PKD2L1: variants seen among roughly 807,000 people sequenced by gnomAD.
PKD2L1 encodes the protein polycystin 2 like 1, transient receptor potential cation channel.
A neutral mutation model predicts 93.0 loss-of-function variants in PKD2L1; 77 were observed. The observed-to-expected ratio is 0.83, with a 90% CI of 0.69 to 1.00. PKD2L1 has a LOEUF of 1.00. Ranked by LOEUF, PKD2L1 falls within the 50% of genes least tolerant of loss-of-function variation. The pLI is 0.00. For missense variants in PKD2L1, 977 were observed against 990.9 expected (o/e 0.99, Z 0.19); for synonymous variants, 390 against 388.0 (o/e 1.01, Z -0.06).
At chr10:100,325,015 G>A (rs569810047) in intron 2 of PKD2L1, among the ~76,000 whole-genome samples, 26 of 152,316 alleles carry the variant, frequency 1.7e-4, no homozygotes, top group African/African-American at 6.0e-4. Context: ...TTAGGCAGGA[G>A]AGCTCAGTCA....
At chr10:100,298,291 C>A (rs531075871) in intron 4 of PKD2L1, among the ~76,000 whole-genome samples, 1 of 152,180 alleles carries the variant, frequency 6.6e-6, no homozygotes, top group Admixed American at 6.5e-5. Context: ...GGAAGGACTA[C>A]GTGCAAGGTA....
rs370499234 is a variant in PKD2L1, at chr10:100,330,051, C to T, written c.53G>A (p.Gly18Glu). The T allele has an allele frequency of 5.5e-5, 89 of 1,609,244 alleles. No homozygotes were observed. The highest frequency in any genetic ancestry group is 7.3e-5 in the Non-Finnish European group (86 of 1,176,906). ...EGQELQKLGSGAWDNPAYSGP... is the reference protein window; with the variant it reads ...EGQELQKLGSEAWDNPAYSGP... The stretch of plus-strand genomic sequence containing the variant: ...ACTGTAGGCGGGGTTGTCCCAGGCT[C>T]CACTCCCCAGCTTTTGCAGCTCCTG... Residue 18 changes from glycine (G) to glutamate (E), a missense_variant, in exon 1 of 16, where the codon GGA (glycine) becomes GAA (glutamate). By Grantham distance (98) the Gly-to-Glu change is moderately conservative (BLOSUM62 -2). Coordinates refer to ENST00000318222, the MANE Select transcript of PKD2L1 (RefSeq NM_016112.3).
Position 100,297,528 on chromosome 10 carries a change from G to T in PKD2L1, c.810C>A (p.Tyr270Ter), listed in dbSNP as rs1309547770. 6.2e-7 allele frequency: 1 copy of T among 1,614,160 alleles called. No homozygotes were observed. ...GRLTSYSGGG[Y>*]YLDLPGSRQG... ...GTCGGGATCCTGGAAGGTCCAGGTA[G>T]TAGCCACCTCCGCTGTAGCTTGTGA... Residue 270 changes from tyrosine (Y) to a stop codon, truncating the protein, a stop_gained, in exon 5 of 16, where the codon TAC becomes TAA. Coordinates refer to ENST00000318222, the MANE Select transcript of PKD2L1 (RefSeq NM_016112.3). LOFTEE classifies it high-confidence loss of function.
chr10:100,330,128 T>G lies in PKD2L1; in HGVS notation c.-25A>C, dbSNP rs543841549. ...TGGGGAATGAGGTGGGGGGGCCCGG[T>G]ACCCCAGGTGCCCACTCTCAGCTAG... On this transcript the variant is annotated 5_prime_UTR_variant, in exon 1 of 16. Transcript: ENST00000318222. 6 of 1,424,712 alleles carry G rather than the reference T, an allele frequency of 4.2e-6. No homozygotes were observed. The African/African-American group carries it at 8.5e-5, about 20-fold the overall frequency. 88.3% of individuals were successfully genotyped at this position (1,424,712 alleles called of 1,614,324 possible).
rs191331074 is a variant in PKD2L1 at position 100,296,301 on chromosome 10, C to T, written c.1186-9G>A. 15 of 1,581,910 alleles carry T rather than the reference C, an allele frequency of 9.5e-6. No individual in the cohort carries two copies. The highest frequency in any genetic ancestry group is 1.3e-5 in the Non-Finnish European group (15 of 1,167,952). On this transcript the variant is annotated splice_polypyrimidine_tract_variant and intron_variant, in intron 6 of 15. Transcript: ENST00000318222. Reference sequence around the variant, plus strand: ...ACAGCCACAATGGAGAGCTGTCACACAGGGGTCATGGGGGTGTCAGAGAAG... The same window carrying T: ...ACAGCCACAATGGAGAGCTGTCACATAGGGGTCATGGGGGTGTCAGAGAAG...
intron 9 of PKD2L1, 120 bp downstream of exon 9, chr10:100,294,415 C>G (rs1047270794): frequency 9.5e-7 from 1 of 1,051,238 alleles, no homozygotes; most frequent in South Asian, 1.4e-5. Context: ...GACATCGGCC[C>G]CCCCACTCAC....
intron 2 of PKD2L1, among the ~76,000 whole-genome samples, chr10:100,301,089 C>T (rs1344181922): frequency 6.6e-6 from 1 of 152,080 alleles, no homozygotes; most frequent in Non-Finnish European, 1.5e-5. Flanking sequence ...GCCCCCTGAG[C>T]CGTAAAACCA....
chr10:100,294,519 TCAGAGAGACCCTCAC>T lies in PKD2L1; in HGVS notation c.1659+1_1659+15del. The T allele has an allele frequency of 6.2e-7, 1 of 1,613,626 alleles. No individual in the cohort carries two copies. The highest frequency in any genetic ancestry group is 8.5e-7 in the Non-Finnish European group (1 of 1,179,802). The stretch of plus-strand genomic sequence containing the variant: ...TGCAGGCTCTCTATGTCCCCACCCC[TCAGAGAGACCCTCAC>T]CAGGAGCACGAAGAAGACGAAGAAG... On this transcript the variant is annotated splice_donor_variant and splice_donor_5th_base_variant and intron_variant, in intron 9 of 15. Coordinates refer to ENST00000318222, the MANE Select transcript of PKD2L1 (RefSeq NM_016112.3). LOFTEE classifies it high-confidence loss of function.
chr10:100,293,741 T>C (rs1009979060), intron 9 of PKD2L1, among the ~76,000 whole-genome samples: 3 of 152,126 alleles, frequency 2.0e-5, no homozygotes, highest in African/African-American at 7.2e-5. Context: ...CTCTTTTTCA[T>C]CTACCCCCCA....
intron 5 of PKD2L1, 65 bp from the exon 6 acceptor site, chr10:100,297,273 C>G (rs955204115): frequency 5.2e-6 from 8 of 1,549,912 alleles, no homozygotes; most frequent in African/African-American, 4.1e-5. Flanking sequence ...CCCACTTCCT[C>G]TCCTCTCCAC....
chr10:100,300,816 A>AT (rs1252617663), intron 2 of PKD2L1, among the ~76,000 whole-genome samples: 2 of 151,244 alleles, frequency 1.3e-5, no homozygotes, highest in East Asian at 3.9e-4. Flanking sequence ...CAAACTGTGT[A>AT]TTTTTTGCCT....
At chr10:100,290,159 A>G (rs1391710145) in intron 13 of PKD2L1, 21 bp from the exon 14 acceptor site, 1 of 1,613,660 alleles carries the variant, frequency 6.2e-7, no homozygotes. Context: ...TTTGAGAGAG[A>G]CGAATGGAGC....
chr10:100,295,247 T>C lies in PKD2L1; in HGVS notation c.1357-124A>G. The C allele has an allele frequency of 8.3e-6, 6 of 718,856 alleles. No individual in the cohort carries two copies. In the South Asian group the frequency reaches 8.8e-5, roughly 11 times the overall value. 44.5% of individuals were successfully genotyped at this position (718,856 alleles called of 1,614,324 possible). A position where few individuals can be genotyped will look rare whatever the true frequency, so the allele number is the denominator to read the frequency against. ...CCAGACAAAGAAAATGAGACACATATTGAAGAAGGGAGAATGATACAAAAA... is the reference window on the plus strand; with the variant it reads ...CCAGACAAAGAAAATGAGACACATACTGAAGAAGGGAGAATGATACAAAAA... On this transcript the variant is annotated intron_variant, in intron 7 of 15. Coordinates refer to ENST00000318222, the MANE Select transcript of PKD2L1 (RefSeq NM_016112.3).
chr10:100,321,595 G>A (rs1433966278), intron 2 of PKD2L1, among the ~76,000 whole-genome samples: 1 of 144,836 alleles, frequency 6.9e-6, no homozygotes, highest in Non-Finnish European at 1.5e-5. Flanking sequence ...GATTGCTTGA[G>A]CCTAGGAGGT....
intron 2 of PKD2L1, among the ~76,000 whole-genome samples, chr10:100,309,227 A>G (rs370312221): frequency 2.0e-5 from 3 of 152,218 alleles, no homozygotes; most frequent in Admixed American, 2.0e-4. Flanking sequence ...GTATCCATAC[A>G]ATGATTGTAT....
intron 12 of PKD2L1, among the ~76,000 whole-genome samples, chr10:100,290,844 C>T (rs1007793202): frequency 1.2e-4 from 19 of 152,156 alleles, no homozygotes; most frequent in Admixed American, 3.3e-4. Flanking sequence ...CTGCCTTTGA[C>T]TTTTTTTGGT....
Position 100,299,572 on chromosome 10 carries a change from G to C in PKD2L1, c.477+19C>G, listed in dbSNP as rs2242050. The C allele has an allele frequency of 0.13, 209,549 of 1,609,966 alleles. 15,185 individuals carry two copies. The highest frequency in any genetic ancestry group is 0.29 in the African/African-American group (21,890 of 74,742). The stretch of plus-strand genomic sequence containing the variant: ...CATTGAGAAAGAGAGGGGAGGGGTA[G>C]AAAAGATCTTATACTCACATCCCAG... On this transcript the variant is annotated intron_variant, in intron 3 of 15. Transcript: ENST00000318222.
intron 7 of PKD2L1, 114 bp from the exon 8 acceptor site, chr10:100,295,237 G>A: frequency 1.3e-6 from 1 of 760,488 alleles, no homozygotes; most frequent in Non-Finnish European, 2.2e-6. Flanking sequence ...CAAAGAAAAT[G>A]AGACACATAT....
At chr10:100,300,869 G>A (rs1167887130) in intron 2 of PKD2L1, among the ~76,000 whole-genome samples, 1 of 150,840 alleles carries the variant, frequency 6.6e-6, no homozygotes, top group African/African-American at 2.4e-5. Flanking sequence ...TTTTTTCACT[G>A]TTGTTGCCCA....
Sources: gnomAD v4.1 joint callset for allele counts (sites outside exome capture counted in the v4.1 genomes callset) on GRCh38, gnomAD v4.1.1 for gene constraint, MANE v1.5 for transcripts, NCBI Gene and HGNC (gene_info 2026-07-23, HGNC 2026-07-21) for gene names.